Variants in RPA2 observed in about 807,000 individuals in gnomAD.
RPA2 encodes the protein replication protein A 32 kDa subunit.
In RPA2, 22 loss-of-function variants were observed where a neutral mutation model predicts 33.4. The observed-to-expected ratio is 0.66, with a 90% confidence interval of 0.47 to 0.94. RPA2 has a LOEUF of 0.94. Among genes scored for constraint, RPA2 ranks in the 40% least tolerant of loss-of-function variants. The pLI is 0.00. For missense variants in RPA2, 279 were observed against 329.9 expected (o/e 0.85, Z 1.19); for synonymous variants, 109 against 114.9 (o/e 0.95, Z 0.33).
In RPA2 at chr1:27,900,611, T is replaced by A. The variant is rs12067053; in HGVS notation, c.334-2904A>T. Reference sequence around the variant, plus strand: ...GGAGAACTGGAATTAGAAATGGAGCTTAAAGATATAACTGAATTGCTGTAA... The same window carrying A: ...GGAGAACTGGAATTAGAAATGGAGCATAAAGATATAACTGAATTGCTGTAA... On this transcript the variant is annotated intron_variant, in intron 4 of 8. Coordinates refer to ENST00000373912, the MANE Select transcript of RPA2 (RefSeq NM_002946.5). 5.3e-5 allele frequency among the ~76,000 whole-genome samples: 8 copies of A among 151,808 alleles called. No homozygotes were observed. In the South Asian group the frequency reaches 1.2e-3, roughly 24 times the overall value.
At chr1:27,904,855 T>C (rs1323223014) in intron 4 of RPA2, among the ~76,000 whole-genome samples, 1 of 152,140 alleles carries the variant, frequency 6.6e-6, no homozygotes, top group Non-Finnish European at 1.5e-5. Flanking sequence ...TTTCATCACG[T>C]TGGCCAGGCT....
At chr1:27,912,304 G>A (rs932525304) in intron 2 of RPA2, among the ~76,000 whole-genome samples, 6 of 151,962 alleles carry the variant, frequency 3.9e-5, no homozygotes, top group African/African-American at 1.5e-4. Context: ...AGCACTTTGG[G>A]AGGCTGAGGT....
intron 4 of RPA2, among the ~76,000 whole-genome samples, chr1:27,904,119 C>T (rs1303339947): frequency 2.0e-5 from 3 of 149,624 alleles, no homozygotes; most frequent in Non-Finnish European, 4.4e-5. Flanking sequence ...AGCTGGAGAT[C>T]GCGCCATTGC....
intron 4 of RPA2, among the ~76,000 whole-genome samples, chr1:27,901,984 A>G (rs556465593): frequency 3.3e-5 from 5 of 150,482 alleles, no homozygotes; most frequent in African/African-American, 1.2e-4. Flanking sequence ...GAGAAAATTT[A>G]CAAAAACCCC....
At chr1:27,907,942 G>A (rs1380945587) in intron 2 of RPA2, among the ~76,000 whole-genome samples, 7 of 151,924 alleles carry the variant, frequency 4.6e-5, no homozygotes, top group Non-Finnish European at 7.4e-5. Context: ...TCCGTCTCCC[G>A]GGCTCAAGCG....
At chr1:27,912,652 G>A (rs2090113948) in intron 2 of RPA2, among the ~76,000 whole-genome samples, 1 of 152,150 alleles carries the variant, frequency 6.6e-6, no homozygotes, top group East Asian at 1.9e-4. Flanking sequence ...ACCACCCCGT[G>A]ACATGAGTAC....
chr1:27,907,427 A>G lies in RPA2; in HGVS notation c.118-145T>C, dbSNP rs1303975904. ...TTATCCTTGCTTCAGAGAGATGGAA[A>G]CCAAGGTCATATAGCAAACCAATAC... On this transcript the variant is annotated intron_variant, in intron 2 of 8. Transcript: ENST00000373912. 8.2e-6 allele frequency: 6 copies of G among 728,316 alleles called. No homozygotes were observed. The African/African-American group carries it at 1.1e-4, about 13-fold the overall frequency. 45.1% of individuals were successfully genotyped at this position (728,316 alleles called of 1,614,324 possible). A position where few individuals can be genotyped will look rare whatever the true frequency, so the allele number is the denominator to read the frequency against.
chr1:27,913,931 T>C, intron 2 of RPA2, 132 bp downstream of exon 2: 5 of 864,380 alleles, frequency 5.8e-6, no homozygotes, highest in Non-Finnish European at 6.7e-6. Flanking sequence ...TTATAAGAGA[T>C]GCAGATAATA....
chr1:27,909,153 C>T (rs1022451145), intron 2 of RPA2, among the ~76,000 whole-genome samples: 3 of 152,186 alleles, frequency 2.0e-5, no homozygotes, highest in Admixed American at 6.5e-5. Context: ...ACGATGAGAG[C>T]TCTTCCTGTC....
In RPA2 at chr1:27,894,297, T is replaced by C; in HGVS notation, c.626A>G (p.Gln209Arg). The C allele has an allele frequency of 6.2e-7, 1 of 1,613,312 alleles. No individual in the cohort carries two copies. Among genetic ancestry groups the C allele is most frequent in the Non-Finnish European group, 8.5e-7 (1 of 1,179,578 alleles). ...FMPANGLTVA[Q>R]NQVLNLIKAC... is the part of the protein sequence containing the mutation. ...CACTCTGGTGGAGGTTACCTGGTTT[T>C]GGGCCACAGTGAGGCCATTTGCTGG... The change falls in exon 7 of 9, where the codon CAA (glutamine) becomes CGA (arginine). Residue 209 changes from glutamine to arginine, a missense_variant. Gln to Arg is a conservative substitution (Grantham distance 43, BLOSUM62 1). Transcript: ENST00000373912.
intron 5 of RPA2, among the ~76,000 whole-genome samples, 178 bp from the exon 6 acceptor site, chr1:27,897,299 A>G (rs2089905357): frequency 6.8e-6 from 1 of 147,304 alleles, no homozygotes; most frequent in Non-Finnish European, 1.5e-5. Context: ...AACTAAAACT[A>G]ATAGCTAAGG....
At chr1:27,913,475 C>A (rs538647466) in intron 2 of RPA2, among the ~76,000 whole-genome samples, 2 of 151,252 alleles carry the variant, frequency 1.3e-5, no homozygotes, top group African/African-American at 4.9e-5. Flanking sequence ...GTAATCCCAG[C>A]TACTCGGGAC....
Position 27,907,040 on chromosome 1 carries a change from A to T in RPA2, c.221T>A (p.Val74Asp), listed in dbSNP as rs1280290919. The T allele has an allele frequency of 1.2e-6, 2 of 1,600,516 alleles. No individual in the cohort carries two copies. The highest frequency in any genetic ancestry group is 1.7e-6 in the Non-Finnish European group (2 of 1,175,104). ...FRIGNVEISQVTIVGIIRHAE... is the reference protein window; with the variant it reads ...FRIGNVEISQDTIVGIIRHAE... ...ATGTCTGATGATCCCCACAATAGTG[A>T]CCTAGGTTAGAAGAAACAAAGAAAA... is the stretch of plus-strand genomic sequence containing the variant. The change falls in exon 4 of 9, where the codon GTC becomes GAC. Residue 74 changes from valine to aspartate, a missense_variant and splice_region_variant. Val to Asp is a radical substitution (Grantham distance 152). Coordinates refer to ENST00000373912, the MANE Select transcript of RPA2 (RefSeq NM_002946.5).
chr1:27,900,613 A>T (rs561596976), intron 4 of RPA2, among the ~76,000 whole-genome samples: 1 of 152,216 alleles, frequency 6.6e-6, no homozygotes, highest in Admixed American at 6.5e-5. Context: ...AATGGAGCTT[A>T]AAGATATAAC....
chr1:27,907,236 A>C lies in RPA2; in HGVS notation c.164T>G (p.Leu55Arg). 6 of 1,614,108 alleles carry C rather than the reference A, an allele frequency of 3.7e-6. No homozygotes were observed. The highest frequency in any genetic ancestry group is 5.1e-6 in the Non-Finnish European group (6 of 1,180,000). ...HIVPCTISQL[L>R]SATLVDEVFR... Reference sequence around the variant, plus strand: ...CACTTCATCAACCAAAGTGGCAGAAAGCAGCTGAGATATAGTACAGGGCAC... The same window carrying C: ...CACTTCATCAACCAAAGTGGCAGAACGCAGCTGAGATATAGTACAGGGCAC... The change falls in exon 3 of 9, where the codon CTT becomes CGT. Residue 55 changes from leucine to arginine, a missense_variant. Transcript: ENST00000373912.
intron 2 of RPA2, among the ~76,000 whole-genome samples, chr1:27,912,067 C>A (rs1328699324): frequency 6.6e-6 from 1 of 151,332 alleles, no homozygotes; most frequent in African/African-American, 2.4e-5. Flanking sequence ...ACACTCCAGC[C>A]TGGGCGACAG....
At position 27,895,996 on chromosome 1, in the gene RPA2, T is replaced by G. The variant is rs74063228; in HGVS notation, c.525+1009A>C. 2.9e-3 allele frequency among the ~76,000 whole-genome samples: 443 copies of G among 152,284 alleles called. 1 individual carries two copies. The highest frequency in any genetic ancestry group is 0.01 in the African/African-American group (432 of 41,546). ...ATGTTCCTCATCTAAAATTGTACCA[T>G]TCTTGTTCCCTCCATCAGCCTCTTC... On this transcript the variant is annotated intron_variant, in intron 6 of 8. Transcript: ENST00000373912.
At chr1:27,913,569 C>G (rs967712974) in intron 2 of RPA2, among the ~76,000 whole-genome samples, 1 of 144,350 alleles carries the variant, frequency 6.9e-6, no homozygotes, top group Non-Finnish European at 1.5e-5. Context: ...GCCTGGGCAA[C>G]AGAGTGAGGT....
chr1:27,913,986 G>T, intron 2 of RPA2, 77 bp downstream of exon 2: 1 of 1,325,974 alleles, frequency 7.5e-7, no homozygotes, highest in Non-Finnish European at 1.0e-6. Context: ...TTCCTTCAAA[G>T]CATAAAGTTT....
Sources: gnomAD v4.1 joint callset for allele counts (sites outside exome capture counted in the v4.1 genomes callset) on GRCh38, gnomAD v4.1.1 for gene constraint, MANE v1.5 for transcripts, NCBI Gene and HGNC (gene_info 2026-07-23, HGNC 2026-07-21) for gene names.